NUP214: variants seen among roughly 807,000 people sequenced by gnomAD.
The protein encoded by NUP214 is nucleoporin 214, also known as nuclear pore complex protein Nup214.
Under a neutral mutation model 196.2 loss-of-function variants are expected in NUP214, and 79 were observed. The observed-to-expected ratio is 0.40, with a 90% CI of 0.34 to 0.49. NUP214 has a LOEUF of 0.49. Ranked by LOEUF, NUP214 falls within the 20% of genes least tolerant of loss-of-function variation. The pLI, the probability that NUP214 is intolerant of heterozygous loss-of-function variation, is 0.58. For synonymous variants in NUP214, 1,020 were observed against 990.5 expected (o/e 1.03, Z -0.56); for missense variants, 2,468 against 2,539.0 (o/e 0.97, Z 0.60).
rs1831509770 is a variant in NUP214 at position 131,130,319 on chromosome 9, T to A, written c.593-447T>A. ...CCACCATGCCCAGCTAATTTTTGTA[T>A]ATTTTAGTAGAGACGGGGTTTCACC... On this transcript the variant is annotated intron_variant, in intron 4 of 35. Transcript: ENST00000359428. 2.0e-5 allele frequency among the ~76,000 whole-genome samples: 3 copies of A among 150,940 alleles called. No homozygotes were observed. The South Asian group carries it at 6.3e-4, about 32-fold the overall frequency.
intron 24 of NUP214, 110 bp from the exon 25 acceptor site, chr9:131,187,179 A>G (rs1282161752): frequency 1.1e-6 from 1 of 879,464 alleles, no homozygotes; most frequent in Admixed American, 2.0e-5. Context: ...ATGCATCTGT[A>G]TCCTACCCAA....
chr9:131,141,800 AAG>A (rs1365214934), intron 11 of NUP214: 1 of 152,212 alleles, frequency 6.6e-6, no homozygotes, highest in African/African-American at 2.4e-5. Flanking sequence ...AACTTTTAAA[AAG>A]AGCATTGTTT....
chr9:131,135,124 C>G (rs944988826), intron 8 of NUP214, 120 bp downstream of exon 8: 2 of 725,320 alleles, frequency 2.8e-6, no homozygotes, highest in Non-Finnish European at 4.6e-6. Flanking sequence ...GGGTCTCACT[C>G]CATTACCCAG....
intron 21 of NUP214, among the ~76,000 whole-genome samples, chr9:131,166,822 TC>T (rs1319582017): frequency 6.6e-6 from 1 of 152,130 alleles, no homozygotes; most frequent in East Asian, 1.9e-4. Flanking sequence ...AATTGAAACT[TC>T]CAATTGCGAG....
At chr9:131,163,671 T>G (rs1287031211) in intron 19 of NUP214, among the ~76,000 whole-genome samples, 199 bp from the exon 20 acceptor site, 1 of 152,194 alleles carries the variant, frequency 6.6e-6, no homozygotes, top group African/African-American at 2.4e-5. Context: ...CATCATGTTG[T>G]GTTTGAGGTG....
At chr9:131,233,211 T>C (rs773734813) in intron 35 of NUP214, among the ~76,000 whole-genome samples, 14 of 151,990 alleles carry the variant, frequency 9.2e-5, no homozygotes, top group Non-Finnish European at 1.8e-4. Context: ...TGGTGGTGCA[T>C]GCCTGTAATC....
chr9:131,184,177 T>G (rs1008958571), intron 24 of NUP214, among the ~76,000 whole-genome samples: 6 of 150,206 alleles, frequency 4.0e-5, no homozygotes, highest in African/African-American at 1.5e-4. Flanking sequence ...ATTACAGGTG[T>G]GCACCAGCAC....
Position 131,232,252 on chromosome 9 carries a change from T to C in NUP214, c.6215-32T>C. ...CACCTTTGTCTTTCGAGTGGATGCG[T>C]GCTTTAACTTCACTCTTATTCTGCT... On this transcript the variant is annotated intron_variant, in intron 34 of 35. Coordinates refer to ENST00000359428, the MANE Select transcript of NUP214 (RefSeq NM_005085.4). The surrounding 1 kb of genome is among the most constrained non-coding windows in gnomAD (Gnocchi z 5.1). 1 of 1,613,908 alleles carries C rather than the reference T, an allele frequency of 6.2e-7. No homozygotes were observed.
intron 5 of NUP214, 74 bp downstream of exon 5, chr9:131,130,910 T>A (rs1252360271): frequency 2.5e-6 from 3 of 1,189,784 alleles, no homozygotes; most frequent in Non-Finnish European, 3.7e-6. Context: ...GGAGTATCTT[T>A]CTTGTTTTTC....
At chr9:131,152,383 A>G (rs186522734) in intron 17 of NUP214, among the ~76,000 whole-genome samples, 59 of 152,310 alleles carry the variant, frequency 3.9e-4, no homozygotes, top group East Asian at 2.5e-3. Flanking sequence ...GGCCTCCCAA[A>G]GTGCTGGAAT....
At chr9:131,210,223 C>G (rs1186032750) in intron 30 of NUP214, among the ~76,000 whole-genome samples, 1 of 152,142 alleles carries the variant, frequency 6.6e-6, no homozygotes, top group Non-Finnish European at 1.5e-5. Flanking sequence ...ATAGATGATT[C>G]AGATATTGGA....
In NUP214 at chr9:131,232,890, G is replaced by T. The variant is rs1196038781; in HGVS notation, c.6240-564G>T. On this transcript the variant is annotated intron_variant, in intron 35 of 35. Transcript: ENST00000359428. This position sits in a 1 kb window ranked among gnomAD's most constrained non-coding sequence, Gnocchi z 5.1. Reference sequence around the variant, plus strand: ...CCGTGCATGCTGGCTTATGCCTGTGGTCCCAGCTACTCCAGAAGCTGAGGC... The same window carrying T: ...CCGTGCATGCTGGCTTATGCCTGTGTTCCCAGCTACTCCAGAAGCTGAGGC... 6.4e-6 allele frequency: 1 copy of T among 156,794 alleles called. No individual in the cohort carries two copies. The highest frequency in any genetic ancestry group is 1.4e-5 in the Non-Finnish European group (1 of 71,234). 9.7% of individuals were successfully genotyped at this position (156,794 alleles called of 1,614,324 possible).
chr9:131,144,428 G>A lies in NUP214; in HGVS notation c.1443G>A (p.Val481=). Residue 481 remains valine (V), a synonymous_variant, in exon 12 of 36, where the codon GTG becomes GTA. Transcript: ENST00000359428. ...TTCCTGCTGGTGGAGCCCCCACTGT[G>A]TTCTCCTTTGGTTCTTCATCTTTGA... ...SLLPAGGAPT[V]FSFGSSSLKS... is the part of the protein sequence containing the mutation. 1 of 1,614,116 alleles carries A rather than the reference G, an allele frequency of 6.2e-7. No homozygotes were observed. Among genetic ancestry groups the A allele is most frequent in the East Asian group, 2.2e-5 (1 of 44,882 alleles).
rs1834959713 is a variant in NUP214, at chr9:131,234,451, G to A, written c.*964G>A. On this transcript the variant is annotated 3_prime_UTR_variant, in exon 36 of 36. Transcript: ENST00000359428. ...TTTATCTTTAATGCAGTATCTTTGA[G>A]GCCTGTAACATCCTAGATAGTTGCC... The A allele has an allele frequency of 4.3e-6, 1 of 231,782 alleles. No homozygotes were observed. Among genetic ancestry groups the A allele is most frequent in the East Asian group, 6.1e-5 (1 of 16,428 alleles). The allele number at this position is 231,782 out of a possible 1,614,324, so 14.4% of individuals were successfully genotyped here. A position where few individuals can be genotyped will look rare whatever the true frequency, so the allele number is the denominator to read the frequency against.
chr9:131,135,073 A>G (rs2133460983), intron 8 of NUP214, 69 bp downstream of exon 8: 1 of 1,090,420 alleles, frequency 9.2e-7, no homozygotes, highest in Non-Finnish European at 1.4e-6. Flanking sequence ...ACCTTGTCCC[A>G]TGTTGAAATC....
chr9:131,184,351 T>TG (rs1169929066), intron 24 of NUP214, among the ~76,000 whole-genome samples: 2 of 145,966 alleles, frequency 1.4e-5, no homozygotes, highest in Non-Finnish European at 3.0e-5. Flanking sequence ...TTTTTTTTTT[T>TG]GAGATGGAGT....
intron 17 of NUP214, among the ~76,000 whole-genome samples, chr9:131,152,865 C>T (rs1015281919): frequency 1.6e-4 from 24 of 152,140 alleles, no homozygotes; most frequent in Admixed American, 5.9e-4. Context: ...CAGCCTCAAC[C>T]TCTGGGCTCA....
At chr9:131,196,025 T>TCCCCCCCC (rs1365777357) in intron 28 of NUP214, among the ~76,000 whole-genome samples, 4 of 3,664 alleles carry the variant, frequency 1.1e-3, no homozygotes, top group African/African-American at 2.0e-3. Flanking sequence ...ACTCTGTGTG[T>TCCCCCCCC]CCCCCCCCCC....
At chr9:131,144,806 A>G in intron 12 of NUP214, 52 bp downstream of exon 12, 3 of 1,337,344 alleles carry the variant, frequency 2.2e-6, no homozygotes, top group Non-Finnish European at 3.1e-6. Flanking sequence ...GAAATATTGG[A>G]TGTTATTTAC....
Sources: allele counts gnomAD v4.1 joint callset (sites outside exome capture counted in the v4.1 genomes callset), GRCh38; gene constraint gnomAD v4.1.1; non-coding constraint Gnocchi (gnomAD v3.1); transcripts MANE v1.5; gene names NCBI Gene and HGNC (gene_info 2026-07-23, HGNC 2026-07-21).